SPTLC1: variants seen among roughly 807,000 people sequenced by gnomAD.
SPTLC1 encodes serine palmitoyltransferase long chain base subunit 1.
A neutral mutation model predicts 68.9 loss-of-function variants in SPTLC1; 55 were observed. The ratio of observed to expected loss-of-function variants is 0.80; its 90% CI spans 0.64 to 1.00. SPTLC1 has a LOEUF of 1.00. SPTLC1 is among the 50% of genes least tolerant of loss of function. The pLI is 0.00. For synonymous variants in SPTLC1, 197 were observed against 201.6 expected (o/e 0.98, Z 0.19); for missense variants, 449 against 573.1 (o/e 0.78, Z 2.21).
chr9:92,078,500 C>T (rs1032545363), intron 5 of SPTLC1, among the ~76,000 whole-genome samples: 5 of 152,242 alleles, frequency 3.3e-5, no homozygotes, highest in African/African-American at 1.2e-4. Flanking sequence ...ACTCTGTCAT[C>T]CAGGCTGAAT....
At position 92,077,557 on chromosome 9, in the gene SPTLC1, C is replaced by G. The variant is rs1301926477; in HGVS notation, c.427+2459G>C. 3.9e-5 allele frequency among the ~76,000 whole-genome samples: 6 copies of G among 152,174 alleles called. No individual in the cohort carries two copies. In the South Asian group the frequency reaches 1.2e-3, roughly 32 times the overall value. On this transcript the variant is annotated intron_variant, in intron 5 of 14. Coordinates refer to ENST00000262554, the MANE Select transcript of SPTLC1 (RefSeq NM_006415.4). ...TCCTGAAGTCGCAAGTACTCTCCCC[C>G]ACTTCCCTTAAACTTACCCACATTC...
At chr9:92,062,011 G>A (rs1252891951) in intron 6 of SPTLC1, among the ~76,000 whole-genome samples, 1 of 152,108 alleles carries the variant, frequency 6.6e-6, no homozygotes, top group Non-Finnish European at 1.5e-5. Context: ...TACATTAAAT[G>A]TAAATGTACA....
In SPTLC1 at chr9:92,032,426, C is replaced by T. The variant is rs370307230; in HGVS notation, c.*39G>A. On this transcript the variant is annotated 3_prime_UTR_variant, in exon 15 of 15. Transcript: ENST00000262554. ...CAGCGGGAGTCTTGAGTCCTCTCTG[C>T]GTGTTGTGTGGCAGGAGGCCATGGT... The T allele has an allele frequency of 6.9e-5, 111 of 1,613,842 alleles. No homozygotes were observed. Among genetic ancestry groups the T allele is most frequent in the Non-Finnish European group, 8.2e-5 (97 of 1,180,040 alleles).
chr9:92,055,375 T>C (rs751003875), intron 8 of SPTLC1, 30 bp downstream of exon 8: 1 of 1,613,148 alleles, frequency 6.2e-7, no homozygotes, highest in East Asian at 2.2e-5. Context: ...AGTCCAAATA[T>C]TAAAATTACA....
At chr9:92,064,473 A>C (rs1275463006) in intron 6 of SPTLC1, among the ~76,000 whole-genome samples, 1 of 152,234 alleles carries the variant, frequency 6.6e-6, no homozygotes, top group Non-Finnish European at 1.5e-5. Context: ...ATGCTTCTGA[A>C]GATGTGGAGA....
chr9:92,112,045 T>G (rs1836269492), intron 2 of SPTLC1: 1 of 165,326 alleles, frequency 6.0e-6, no homozygotes, highest in African/African-American at 2.4e-5. Flanking sequence ...CAATTTGAGA[T>G]GGGTATGAGT....
chr9:92,046,030 T>G lies in SPTLC1; in HGVS notation c.1105A>C (p.Lys369Gln). The change falls in exon 12 of 15, where the codon AAG (lysine) becomes CAG (glutamine). Residue 369 changes from lysine to glutamine, a missense_variant. Lys to Gln is a moderately conservative substitution (Grantham distance 53, BLOSUM62 1). Coordinates refer to ENST00000262554, the MANE Select transcript of SPTLC1 (RefSeq NM_006415.4). ...AAAGCTTTATGAATTTGTCCGCACT[T>G]TTCCTTCAACACTGCAAAAATACCT... ...NPGIFAVLKEKCGQIHKALQG... is the reference protein window; with the variant it reads ...NPGIFAVLKEQCGQIHKALQG... The G allele has an allele frequency of 6.2e-7, 1 of 1,613,626 alleles. No homozygotes were observed. The highest frequency in any genetic ancestry group is 8.5e-7 in the Non-Finnish European group (1 of 1,179,776).
intron 6 of SPTLC1, among the ~76,000 whole-genome samples, chr9:92,066,438 G>C (rs947430815): frequency 2.6e-5 from 4 of 152,262 alleles, no homozygotes; most frequent in Middle Eastern, 3.4e-3. Context: ...AGGATGAGAA[G>C]GTTAAGTAGG....
chr9:92,101,953 T>C (rs1835770329), intron 3 of SPTLC1, among the ~76,000 whole-genome samples: 1 of 151,984 alleles, frequency 6.6e-6, no homozygotes, highest in African/African-American at 2.4e-5. Context: ...AAGGGACATA[T>C]TCAACCCAAA....
intron 5 of SPTLC1, among the ~76,000 whole-genome samples, chr9:92,073,888 C>T (rs531715599): frequency 4.1e-4 from 63 of 152,198 alleles, no homozygotes; most frequent in Non-Finnish European, 7.9e-4. Context: ...CCCTCTGGGA[C>T]CTTGCTTCAA....
intron 3 of SPTLC1, among the ~76,000 whole-genome samples, chr9:92,095,464 A>T (rs774440181): frequency 6.6e-6 from 1 of 152,220 alleles, no homozygotes; most frequent in African/African-American, 2.4e-5. Context: ...TTAGGTGTCT[A>T]TCATGAGGAA....
chr9:92,042,052 G>A (rs760247341), intron 12 of SPTLC1, among the ~76,000 whole-genome samples: 2 of 151,984 alleles, frequency 1.3e-5, no homozygotes, highest in Non-Finnish European at 2.9e-5. Context: ...CTATATCTGT[G>A]AATAGCCACT....
intron 1 of SPTLC1, among the ~76,000 whole-genome samples, chr9:92,114,206 G>A (rs972646886): frequency 2.6e-5 from 4 of 152,148 alleles, no homozygotes; most frequent in East Asian, 1.9e-4. Flanking sequence ...GGAGGTCAAC[G>A]CAGCAGTGAG....
At chr9:92,114,804 C>T (rs1836384126) in intron 1 of SPTLC1, 2 of 156,704 alleles carry the variant, frequency 1.3e-5, no homozygotes, top group Admixed American at 1.2e-4. Flanking sequence ...AGACAGAAAA[C>T]TGATGTACGC....
chr9:92,069,304 A>G (rs1175989402), intron 5 of SPTLC1, among the ~76,000 whole-genome samples: 1 of 152,238 alleles, frequency 6.6e-6, no homozygotes, highest in Admixed American at 6.5e-5. Flanking sequence ...TCAAATAGTG[A>G]TAAAATATGA....
intron 3 of SPTLC1, chr9:92,108,325 G>A (rs1017675115): frequency 1.6e-5 from 3 of 187,898 alleles, no homozygotes; most frequent in Admixed American, 5.4e-5. Flanking sequence ...ATATTGTGGG[G>A]ATCAACAGGT....
intron 12 of SPTLC1, among the ~76,000 whole-genome samples, chr9:92,044,648 G>A (rs576403268): frequency 6.6e-6 from 1 of 152,268 alleles, no homozygotes; most frequent in South Asian, 2.1e-4. Flanking sequence ...CACAAGAAAG[G>A]GGACAGGCTG....
intron 3 of SPTLC1, among the ~76,000 whole-genome samples, chr9:92,098,045 G>T (rs948187897): frequency 2.6e-5 from 4 of 152,156 alleles, no homozygotes; most frequent in African/African-American, 9.7e-5. Flanking sequence ...CTCCGGTGAA[G>T]ACTCCAAGAT....
chr9:92,112,498 G>T lies in SPTLC1; in HGVS notation c.122C>A (p.Ser41Tyr). ...TCGTTCTTGTAATTTGTAAGTCTTA[G>T]AGAAAAGAAGTCTGATTATCCAGAG... is the stretch of plus-strand genomic sequence containing the variant. ...LILWIIRLLFSKTYKLQERSD... is the reference protein window; with the variant it reads ...LILWIIRLLFYKTYKLQERSD... The change falls in exon 2 of 15, where the codon TCT becomes TAT. Residue 41 changes from serine (S) to tyrosine (Y), a missense_variant. By Grantham distance (144) the Ser-to-Tyr change is moderately radical. This residue lies in a region of SPTLC1 where 46 missense variants were observed against 57.8 expected (regional missense o/e 0.80). Transcript: ENST00000262554. 6.2e-7 allele frequency: 1 copy of T among 1,611,334 alleles called. No individual in the cohort carries two copies. Among genetic ancestry groups the T allele is most frequent in the Non-Finnish European group, 8.5e-7 (1 of 1,179,430 alleles).
Sources: allele counts gnomAD v4.1 joint callset (sites outside exome capture counted in the v4.1 genomes callset), GRCh38; gene constraint gnomAD v4.1.1; regional missense constraint gnomAD v4.1.1; transcripts MANE v1.5; gene names NCBI Gene and HGNC (gene_info 2026-07-23, HGNC 2026-07-21).